DNAH10: variants seen among roughly 807,000 people sequenced by gnomAD.
The protein encoded by DNAH10 is dynein axonemal heavy chain 10.
In DNAH10, 348 loss-of-function variants were observed where a neutral mutation model predicts 506.6. That is an observed-to-expected ratio of 0.69 (90% confidence interval 0.63 to 0.75). The LOEUF is 0.75. Among genes scored for constraint, DNAH10 ranks in the 30% least tolerant of loss-of-function variants. DNAH10 has a pLI of 0.00. For missense variants in DNAH10, 5,179 were observed against 5,787.1 expected, an observed-to-expected ratio of 0.89 and a Z score of 3.41; for synonymous variants, 2,059 against 2,198.6, an observed-to-expected ratio of 0.94 and a Z score of 1.78.
rs1056003163 is a variant in DNAH10, at chr12:123,903,820, C to T, written c.9815+707C>T. Among the ~76,000 whole-genome samples, 5 of 152,192 alleles carry T rather than the reference C, an allele frequency of 3.3e-5. No individual in the cohort carries two copies. The highest frequency in any genetic ancestry group is 1.2e-4 in the African/African-American group (5 of 41,438). On this transcript the variant is annotated intron_variant, in intron 57 of 78. Transcript: ENST00000673944. This position sits in a 1 kb window ranked among gnomAD's most constrained non-coding sequence, Gnocchi z 4.6. ...TGCCAGCCTCCGCCCACTGCCTCTGCCCCTGTGCTGCCTGGCCCCGCACAG... is the reference window on the plus strand; with the variant it reads ...TGCCAGCCTCCGCCCACTGCCTCTGTCCCTGTGCTGCCTGGCCCCGCACAG...
chr12:123,827,929 A>G (rs1960156992), intron 25 of DNAH10, among the ~76,000 whole-genome samples: 1 of 152,086 alleles, frequency 6.6e-6, no homozygotes, highest in Non-Finnish European at 1.5e-5. Context: ...CCTCATCTGT[A>G]AAACTAGGTA....
chr12:123,827,806 C>A (rs1461688978), intron 25 of DNAH10, among the ~76,000 whole-genome samples: 1 of 152,328 alleles, frequency 6.6e-6, no homozygotes, highest in South Asian at 2.1e-4. Flanking sequence ...GTCTCTCCCT[C>A]TCAACAAGGA....
chr12:123,930,439 G>A lies in DNAH10; in HGVS notation c.12650G>A (p.Arg4217His), dbSNP rs767154529. 1.0e-5 allele frequency: 16 copies of A among 1,595,046 alleles called. No individual in the cohort carries two copies. Among genetic ancestry groups the A allele is most frequent in the African/African-American group, 5.5e-5 (4 of 73,316 alleles). The change falls in exon 73 of 79, where the codon CGC (arginine) becomes CAC (histidine). Residue 4217 changes from arginine to histidine, a missense_variant. Physicochemically the swap from Arg to His is conservative, Grantham distance 29. Around this residue, in one of 3 missense-constraint regions of DNAH10, gnomAD observed 4,844 missense variants for 5,430.5 expected, o/e 0.89. Transcript: ENST00000673944. ...GGACGGGCCATCGACAGCTTTGATCGCCGCATCCTGACCATCTACATGGAT... is the reference window on the plus strand; with the variant it reads ...GGACGGGCCATCGACAGCTTTGATCACCGCATCCTGACCATCTACATGGAT... ...YGGRAIDSFDRRILTIYMDEY... is the reference protein window; with the variant it reads ...YGGRAIDSFDHRILTIYMDEY...
chr12:123,839,026 C>T (rs1950670401), intron 29 of DNAH10, among the ~76,000 whole-genome samples: 1 of 152,024 alleles, frequency 6.6e-6, no homozygotes, highest in Non-Finnish European at 1.5e-5. Flanking sequence ...GTTACCTGGG[C>T]TGGTCTCTAA....
At chr12:123,858,393 C>A (rs1300622602) in intron 37 of DNAH10, among the ~76,000 whole-genome samples, 1 of 152,136 alleles carries the variant, frequency 6.6e-6, no homozygotes, top group African/African-American at 2.4e-5. Flanking sequence ...GCAGTGGGCA[C>A]CGGGTACCGG....
chr12:123,788,735 C>T (rs547032316), intron 10 of DNAH10, among the ~76,000 whole-genome samples: 2 of 151,810 alleles, frequency 1.3e-5, no homozygotes, highest in African/African-American at 4.8e-5. Flanking sequence ...TGAGACTGGC[C>T]TGGGCAACAT....
At chr12:123,771,229 C>T (rs959393309) in intron 2 of DNAH10, among the ~76,000 whole-genome samples, 1 of 152,194 alleles carries the variant, frequency 6.6e-6, no homozygotes, top group Non-Finnish European at 1.5e-5. Flanking sequence ...ATCAACTTCC[C>T]AAAGTGCTGG....
At chr12:123,829,124 C>T (rs1337831973) in intron 25 of DNAH10, among the ~76,000 whole-genome samples, 1 of 152,164 alleles carries the variant, frequency 6.6e-6, no homozygotes, top group Non-Finnish European at 1.5e-5. Context: ...TCACATCTGC[C>T]TTCCTGAAGA....
At position 123,926,853 on chromosome 12, in the gene DNAH10, T is replaced by A. The variant is rs1265724662; in HGVS notation, c.12105+33T>A. On this transcript the variant is annotated intron_variant, in intron 69 of 78. Coordinates refer to ENST00000673944, the MANE Select transcript of DNAH10 (RefSeq NM_001372106.1). This position sits in a 1 kb window ranked among gnomAD's most constrained non-coding sequence, Gnocchi z 4.1. ...GTGGCTGAAAGGAACAAGCTCTACG[T>A]TTAGGGGAGGTCCCTGGTGTCTGCT... 6.2e-7 allele frequency: 1 copy of A among 1,608,812 alleles called. No homozygotes were observed. The highest frequency in any genetic ancestry group is 1.3e-5 in the African/African-American group (1 of 74,738).
intron 52 of DNAH10, among the ~76,000 whole-genome samples, chr12:123,891,039 C>T (rs1952959258): frequency 1.3e-5 from 2 of 152,152 alleles, no homozygotes; most frequent in Admixed American, 1.3e-4. Flanking sequence ...GAAATCTACT[C>T]TCACAGTTCT....
Position 123,783,136 on chromosome 12 carries a change from A to T in DNAH10, c.871A>T (p.Ser291Cys), listed in dbSNP as rs759342115. Residue 291 changes from serine (S) to cysteine (C), a missense_variant, in exon 7 of 79, where the codon AGT becomes TGT. Transcript: ENST00000673944. Reference protein sequence around the residue: ...GEIKLEMPIISVEGEVSDLAA... With the variant: ...GEIKLEMPIICVEGEVSDLAA... Reference sequence around the variant, plus strand: ...GATCAAGTTAGAAATGCCAATCATCAGTGTGGAGGGAGAGGTGTCTGACCT... The same window carrying T: ...GATCAAGTTAGAAATGCCAATCATCTGTGTGGAGGGAGAGGTGTCTGACCT... 2 of 1,614,030 alleles carry T rather than the reference A, an allele frequency of 1.2e-6. No individual in the cohort carries two copies. The highest frequency in any genetic ancestry group is 2.7e-5 in the African/African-American group (2 of 74,916).
intron 56 of DNAH10, among the ~76,000 whole-genome samples, chr12:123,899,427 G>A (rs970488910): frequency 1.3e-5 from 2 of 152,060 alleles, no homozygotes; most frequent in Non-Finnish European, 2.9e-5. Context: ...TGCAGATGCC[G>A]CTCAACCTGC....
intron 52 of DNAH10, among the ~76,000 whole-genome samples, chr12:123,890,173 A>C (rs1032336024): frequency 6.6e-6 from 1 of 152,184 alleles, no homozygotes. Context: ...GAGGGGTTCT[A>C]TGGCGTGGAA....
intron 67 of DNAH10, among the ~76,000 whole-genome samples, chr12:123,924,817 A>AT (rs1204539086): frequency 6.6e-6 from 1 of 152,206 alleles, no homozygotes; most frequent in Non-Finnish European, 1.5e-5. Flanking sequence ...GGCATCTGCC[A>AT]TGTACCATGT....
intron 39 of DNAH10, among the ~76,000 whole-genome samples, chr12:123,863,557 G>T (rs570055312): frequency 1.1e-4 from 16 of 152,350 alleles, no homozygotes; most frequent in African/African-American, 2.9e-4. Context: ...TCTGCTTCTG[G>T]TGGTTCCAGG....
chr12:123,827,221 A>G (rs143302632), intron 25 of DNAH10, among the ~76,000 whole-genome samples: 2 of 152,378 alleles, frequency 1.3e-5, no homozygotes, highest in African/African-American at 4.8e-5. Flanking sequence ...AACGGAACTC[A>G]CATATGTAAT....
intron 3 of DNAH10, among the ~76,000 whole-genome samples, chr12:123,772,566 T>G (rs572880143): frequency 5.1e-4 from 78 of 152,260 alleles, no homozygotes; most frequent in African/African-American, 1.9e-3. Context: ...AAAACAAAAT[T>G]CAAGCTCCAT....
intron 57 of DNAH10, among the ~76,000 whole-genome samples, chr12:123,906,729 A>C (rs1477786214): frequency 6.6e-6 from 1 of 152,206 alleles, no homozygotes; most frequent in Non-Finnish European, 1.5e-5. Flanking sequence ...GAGTTTTTCC[A>C]GATGAGTAAA....
At chr12:123,818,278 A>G (rs1285263937) in intron 21 of DNAH10, among the ~76,000 whole-genome samples, 1 of 151,652 alleles carries the variant, frequency 6.6e-6, no homozygotes, top group Admixed American at 6.6e-5. Flanking sequence ...ATGATTTTAT[A>G]CTGATTTTAT....
Sources: allele counts gnomAD v4.1 joint callset (sites outside exome capture counted in the v4.1 genomes callset), GRCh38; gene constraint gnomAD v4.1.1; regional missense constraint gnomAD v4.1.1; non-coding constraint Gnocchi (gnomAD v3.1); transcripts MANE v1.5; gene names NCBI Gene and HGNC (gene_info 2026-07-23, HGNC 2026-07-21).